CACNA1E: variants seen among roughly 807,000 people sequenced by gnomAD.
CACNA1E encodes the protein voltage-dependent R-type calcium channel subunit alpha-1E.
In CACNA1E, 40 loss-of-function variants were observed where a neutral mutation model predicts 259.2. The observed-to-expected ratio is 0.15, with a 90% CI of 0.12 to 0.20. The LOEUF is 0.20. Among genes scored for constraint, CACNA1E ranks in the 10% least tolerant of loss-of-function variants. The pLI is 1.00. For synonymous variants in CACNA1E, 1,104 were observed against 1,138.5 expected, an observed-to-expected ratio of 0.97 and a Z score of 0.61; for missense variants, 1,874 against 3,040.1, an observed-to-expected ratio of 0.62 and a Z score of 9.02.
intron 1 of CACNA1E, among the ~76,000 whole-genome samples, chr1:181,361,227 C>T (rs545765107): frequency 1.5e-4 from 23 of 152,224 alleles, no homozygotes; most frequent in Non-Finnish European, 2.9e-4. Context: ...TTTGTAACTC[C>T]TCTGTGTCTT....
At position 181,776,329 on chromosome 1, in the gene CACNA1E, T is replaced by C. The variant is rs1659972798; in HGVS notation, c.5267+101T>C. Reference sequence around the variant, plus strand: ...TGGAGCCACCCAAATGCCTGCCTGTTACAGAAGGAAAGGAGATTCCTCTTG... The same window carrying C: ...TGGAGCCACCCAAATGCCTGCCTGTCACAGAAGGAAAGGAGATTCCTCTTG... On this transcript the variant is annotated intron_variant, in intron 38 of 47. Transcript: ENST00000367573. The surrounding 1 kb of genome is among the most constrained non-coding windows in gnomAD (Gnocchi z 4.4). 1.1e-5 allele frequency: 14 copies of C among 1,222,878 alleles called. No homozygotes were observed. The highest frequency in any genetic ancestry group is 1.6e-5 in the Non-Finnish European group (13 of 833,060). The allele number at this position is 1,222,878 out of a possible 1,614,324, so 75.8% of individuals were successfully genotyped here.
At chr1:181,793,538 CT>C in intron 44 of CACNA1E, 126 bp from the exon 45 acceptor site, 1 of 978,922 alleles carries the variant, frequency 1.0e-6, no homozygotes, top group South Asian at 1.7e-5. Flanking sequence ...ATACATACAA[CT>C]GAGACCTTAA....
At chr1:181,335,625 GA>G (rs1445642365) in intron 1 of CACNA1E, among the ~76,000 whole-genome samples, 1 of 152,198 alleles carries the variant, frequency 6.6e-6, no homozygotes, top group Non-Finnish European at 1.5e-5. Flanking sequence ...CCCTGGCCCA[GA>G]AAAAGGCAGT....
intron 3 of CACNA1E, among the ~76,000 whole-genome samples, chr1:181,543,528 G>A (rs959121492): frequency 1.3e-5 from 2 of 152,290 alleles, no homozygotes; most frequent in East Asian, 3.9e-4. Flanking sequence ...TTTCAGAACA[G>A]CCGTAAGAGA....
chr1:181,466,566 A>G (rs139310109), intron 2 of CACNA1E, among the ~76,000 whole-genome samples: 1,216 of 114,666 alleles, frequency 0.011, 10 homozygotes, highest in Non-Finnish European at 0.015. Context: ...CAAAAAATAA[A>G]ACAAAGCAAA....
intron 1 of CACNA1E, among the ~76,000 whole-genome samples, chr1:181,508,143 C>T (rs566730398): frequency 2.3e-4 from 24 of 102,796 alleles, no homozygotes; most frequent in African/African-American, 7.4e-4. Context: ...CTGTCCCAAA[C>T]GCCTTGTGTG....
chr1:181,663,965 TTATCC>T (rs1647943867), intron 7 of CACNA1E, among the ~76,000 whole-genome samples: 1 of 152,206 alleles, frequency 6.6e-6, no homozygotes, highest in African/African-American at 2.4e-5. Flanking sequence ...GTTAAAGCTG[TTATCC>T]TATAGGCAAT....
chr1:181,470,152 C>A (rs1007865445), intron 2 of CACNA1E, among the ~76,000 whole-genome samples: 1 of 151,680 alleles, frequency 6.6e-6, no homozygotes, highest in African/African-American at 2.4e-5. Flanking sequence ...CGTGAGCGAG[C>A]TGCTTGATTT....
At chr1:181,492,747 T>G (rs1382209873) in intron 1 of CACNA1E, among the ~76,000 whole-genome samples, 1 of 152,160 alleles carries the variant, frequency 6.6e-6, no homozygotes, top group Non-Finnish European at 1.5e-5. Context: ...GATGATACCT[T>G]CCCCAACCTG....
intron 8 of CACNA1E, 35 bp downstream of exon 8, chr1:181,711,104 G>T (rs1653310872): frequency 7.0e-7 from 1 of 1,418,588 alleles, no homozygotes; most frequent in Non-Finnish European, 1.0e-6. Flanking sequence ...CTGGTGAGTG[G>T]GCTGCAGAGA....
At chr1:181,430,881 G>C (rs1484016432) in intron 2 of CACNA1E, among the ~76,000 whole-genome samples, 1 of 152,148 alleles carries the variant, frequency 6.6e-6, no homozygotes, top group African/African-American at 2.4e-5. Context: ...ATTCTTAGCT[G>C]TCTGATATTA....
In CACNA1E at chr1:181,720,809, C is replaced by T. The variant is rs1190911205; in HGVS notation, c.1910C>T (p.Ser637Leu). 4.3e-6 allele frequency: 7 copies of T among 1,610,348 alleles called. No homozygotes were observed. The highest frequency in any genetic ancestry group is 2.2e-5 in the East Asian group (1 of 44,876). Residue 637 changes from serine (S) to leucine (L), a missense_variant, in exon 15 of 48, where the codon TCG becomes TTG. By Grantham distance (145) the Ser-to-Leu change is moderately radical (BLOSUM62 -2). Around this residue, in one of 14 missense-constraint regions of CACNA1E, gnomAD observed 102 missense variants for 279.4 expected, o/e 0.37. Coordinates refer to ENST00000367573, the MANE Select transcript of CACNA1E (RefSeq NM_001205293.3). ...TTTAACTTTAATGATGGGACTCCTT[C>T]GGCAAATTTTGATACCTTCCCTGCA... ...GRFNFNDGTP[S>L]ANFDTFPAAI...
intron 1 of CACNA1E, among the ~76,000 whole-genome samples, chr1:181,410,466 G>C (rs948469534): frequency 5.9e-5 from 9 of 152,238 alleles, no homozygotes; most frequent in African/African-American, 2.2e-4. Flanking sequence ...GACCAGTCCA[G>C]ATGCTGGAGA....
chr1:181,730,880 G>A (rs917117472), intron 18 of CACNA1E, among the ~76,000 whole-genome samples: 3 of 152,230 alleles, frequency 2.0e-5, no homozygotes, highest in African/African-American at 7.2e-5. Context: ...TTGCGTGCCT[G>A]TGAGGCATGG....
intron 6 of CACNA1E, among the ~76,000 whole-genome samples, chr1:181,630,382 A>C: frequency 6.8e-6 from 1 of 147,770 alleles, no homozygotes; most frequent in Non-Finnish European, 1.5e-5. Context: ...TGTAATTAAC[A>C]TGCCCCCCCA....
rs61662957 is a variant in CACNA1E, at chr1:181,693,128, C to CAAAAAAAAAAAAAAAA, written c.1056-17819_1056-17804dup. ...CACCAGTCAGAATGGCTATCTAAAG[C>CAAAAAAAAAAAAAAAA]AAAAAAAAAAAAAAAAAAAAAACAA... On this transcript the variant is annotated intron_variant, in intron 7 of 47. Coordinates refer to ENST00000367573, the MANE Select transcript of CACNA1E (RefSeq NM_001205293.3). 3.1e-5 allele frequency among the ~76,000 whole-genome samples: 3 copies of CAAAAAAAAAAAAAAAA among 97,848 alleles called. 1 individual carries two copies. Among genetic ancestry groups the CAAAAAAAAAAAAAAAA allele is most frequent in the Non-Finnish European group, 2.0e-5 (1 of 50,220 alleles). 64.2% of individuals were successfully genotyped at this position (97,848 alleles called of 152,430 possible). A position where few individuals can be genotyped will look rare whatever the true frequency, so the allele number is the denominator to read the frequency against.
In CACNA1E at chr1:181,802,705, C is replaced by T. The variant is rs987751632; in HGVS notation, c.*3871C>T. ...AGGGTGTGGGGGTGGACAAAATGCC[C>T]ACCTACTGGATAAAAGCTCACTGCA... On this transcript the variant is annotated 3_prime_UTR_variant, in exon 48 of 48. Transcript: ENST00000367573. 6.6e-6 allele frequency: 1 copy of T among 152,188 alleles called. No individual in the cohort carries two copies. Among genetic ancestry groups the T allele is most frequent in the Non-Finnish European group, 1.5e-5 (1 of 68,034 alleles). The allele number at this position is 152,188 out of a possible 1,614,324, so 9.4% of individuals were successfully genotyped here.
chr1:181,792,634 G>C (rs1244007314), intron 44 of CACNA1E, among the ~76,000 whole-genome samples: 1 of 151,784 alleles, frequency 6.6e-6, no homozygotes, highest in African/African-American at 2.4e-5. Context: ...TGGTCACATA[G>C]GCTAAGGTGG....
chr1:181,568,286 G>A (rs575416761), intron 3 of CACNA1E, among the ~76,000 whole-genome samples: 1 of 152,304 alleles, frequency 6.6e-6, no homozygotes, highest in Admixed American at 6.5e-5. Context: ...AGAGAAGGCA[G>A]CCAGCACAGC....
Sources: gnomAD v4.1 joint callset for allele counts (sites outside exome capture counted in the v4.1 genomes callset) on GRCh38, gnomAD v4.1.1 for gene constraint, gnomAD v4.1.1 regional missense constraint, Gnocchi (gnomAD v3.1) non-coding constraint, MANE v1.5 for transcripts, NCBI Gene and HGNC (gene_info 2026-07-23, HGNC 2026-07-21) for gene names.